SPOCK3: variants seen among roughly 807,000 people sequenced by gnomAD.
The protein encoded by SPOCK3 is testican-3.
In SPOCK3, 30 loss-of-function variants were observed where a neutral mutation model predicts 56.6. The ratio of observed to expected loss-of-function variants is 0.53; its 90% CI spans 0.40 to 0.72. SPOCK3 has a LOEUF of 0.72. SPOCK3 is among the 30% of genes least tolerant of loss of function. The pLI is 0.00. For synonymous variants in SPOCK3, 196 were observed against 183.3 expected, an observed-to-expected ratio of 1.07 and a Z score of -0.56; for missense variants, 527 against 530.0, an observed-to-expected ratio of 0.99 and a Z score of 0.06.
intron 9 of SPOCK3, among the ~76,000 whole-genome samples, chr4:166,741,251 T>C (rs1467634595): frequency 3.3e-5 from 5 of 152,330 alleles, no homozygotes; most frequent in African/African-American, 1.2e-4. Context: ...AATAGGATTA[T>C]AGCAATGCTA....
chr4:166,959,240 T>C (rs1344768841), intron 4 of SPOCK3, among the ~76,000 whole-genome samples: 1 of 152,020 alleles, frequency 6.6e-6, no homozygotes, highest in Non-Finnish European at 1.5e-5. Context: ...AGTTAGAAAA[T>C]ACAGCCTATG....
chr4:166,964,147 T>C (rs1744450746), intron 4 of SPOCK3, among the ~76,000 whole-genome samples: 1 of 151,678 alleles, frequency 6.6e-6, no homozygotes, highest in Non-Finnish European at 1.5e-5. Context: ...TGAATAAAAT[T>C]AATTAAAGGA....
Position 167,131,892 on chromosome 4 carries a change from G to C in SPOCK3, c.190-69355C>G, listed in dbSNP as rs545887875. 3.3e-5 allele frequency among the ~76,000 whole-genome samples: 5 copies of C among 152,218 alleles called. No homozygotes were observed. In the South Asian group the frequency reaches 1.0e-3, roughly 32 times the overall value. ...GAATCTCAAAACCTAAGAAAAATCT[G>C]TTCCATATTTGTATTTCTATAATAT... On this transcript the variant is annotated intron_variant, in intron 2 of 10. Coordinates refer to ENST00000357545, the MANE Select transcript of SPOCK3 (RefSeq NM_001040159.2).
At chr4:166,959,806 C>A (rs1743936515) in intron 4 of SPOCK3, among the ~76,000 whole-genome samples, 1 of 151,900 alleles carries the variant, frequency 6.6e-6, no homozygotes, top group Admixed American at 6.6e-5. Context: ...ATTTTATGTG[C>A]ACCATATATA....
chr4:166,952,411 C>A (rs1381446117), intron 4 of SPOCK3, among the ~76,000 whole-genome samples: 6 of 152,078 alleles, frequency 3.9e-5, no homozygotes, highest in Non-Finnish European at 7.4e-5. Flanking sequence ...GAACTACAAA[C>A]CACTGCTCAA....
intron 2 of SPOCK3, among the ~76,000 whole-genome samples, chr4:167,083,535 C>T (rs757519509): frequency 6.6e-5 from 10 of 152,098 alleles, no homozygotes; most frequent in Admixed American, 3.3e-4. Flanking sequence ...TTTGTTTAGA[C>T]AACTAAGTAT....
At chr4:166,804,817 C>A (rs1742981244) in intron 6 of SPOCK3, among the ~76,000 whole-genome samples, 1 of 152,096 alleles carries the variant, frequency 6.6e-6, no homozygotes, top group Admixed American at 6.6e-5. Context: ...GAAAAATACA[C>A]TGATTAGGCA....
chr4:166,857,838 T>A (rs551710092), intron 6 of SPOCK3, among the ~76,000 whole-genome samples: 95 of 152,330 alleles, frequency 6.2e-4, no homozygotes, highest in African/African-American at 2.2e-3. Flanking sequence ...CTTTTAGCCC[T>A]TTTGCCTTGC....
chr4:166,859,510 A>G (rs1483538589), intron 6 of SPOCK3, among the ~76,000 whole-genome samples: 3 of 152,156 alleles, frequency 2.0e-5, no homozygotes, highest in African/African-American at 7.2e-5. Flanking sequence ...TTCAGCTAAT[A>G]TTTGACACAC....
intron 2 of SPOCK3, among the ~76,000 whole-genome samples, chr4:167,068,842 G>A (rs1756404917): frequency 6.6e-6 from 1 of 151,894 alleles, no homozygotes; most frequent in South Asian, 2.1e-4. Context: ...AATGGACTAA[G>A]TATGTAAAGA....
At position 166,889,262 on chromosome 4, in the gene SPOCK3, A is replaced by G. The variant is rs765041276; in HGVS notation, c.475-18T>C. Reference sequence around the variant, plus strand: ...AGTTTGCACTGTATAAAAAGAGAAAAAAAAAGTAATTCAAATGCTTTAGTT... The same window carrying G: ...AGTTTGCACTGTATAAAAAGAGAAAGAAAAAGTAATTCAAATGCTTTAGTT... On this transcript the variant is annotated intron_variant, in intron 5 of 10. Transcript: ENST00000357545. 27 of 1,478,752 alleles carry G rather than the reference A, an allele frequency of 1.8e-5. No individual in the cohort carries two copies. The highest frequency in any genetic ancestry group is 2.8e-6 in the Non-Finnish European group (3 of 1,069,160). The allele number at this position is 1,478,752 out of a possible 1,614,324, so 91.6% of individuals were successfully genotyped here.
chr4:166,924,835 T>A (rs1160670398), intron 4 of SPOCK3, among the ~76,000 whole-genome samples: 2 of 152,214 alleles, frequency 1.3e-5, no homozygotes, highest in African/African-American at 2.4e-5. Flanking sequence ...ATGGGCAACT[T>A]AATCTAGTGC....
intron 6 of SPOCK3, among the ~76,000 whole-genome samples, chr4:166,853,918 G>T (rs1730395908): frequency 6.6e-6 from 1 of 151,764 alleles, no homozygotes; most frequent in Non-Finnish European, 1.5e-5. Context: ...TCCAAAGTCG[G>T]CCATAGACAG....
At chr4:167,057,107 C>T (rs1353621111) in intron 3 of SPOCK3, among the ~76,000 whole-genome samples, 4 of 152,238 alleles carry the variant, frequency 2.6e-5, no homozygotes, top group African/African-American at 4.8e-5. Flanking sequence ...ACTCTACAAG[C>T]CAGAAGAGAG....
At chr4:166,750,647 C>G (rs1194538836) in intron 8 of SPOCK3, among the ~76,000 whole-genome samples, 2 of 151,908 alleles carry the variant, frequency 1.3e-5, no homozygotes, top group Non-Finnish European at 2.9e-5. Context: ...AACCCAAACC[C>G]CTACATTGGA....
At chr4:167,217,508 T>G (rs1168849188) in intron 2 of SPOCK3, among the ~76,000 whole-genome samples, 1 of 151,994 alleles carries the variant, frequency 6.6e-6, no homozygotes, top group East Asian at 1.9e-4. Context: ...AATACTACAT[T>G]GTGTTATATA....
chr4:166,870,358 T>A (rs180891271), intron 6 of SPOCK3, among the ~76,000 whole-genome samples: 2 of 152,098 alleles, frequency 1.3e-5, no homozygotes, highest in Middle Eastern at 6.8e-3. Flanking sequence ...GTGCCACCAA[T>A]CTTGTCAGTC....
At chr4:167,125,519 C>G (rs1762199764) in intron 2 of SPOCK3, among the ~76,000 whole-genome samples, 1 of 151,458 alleles carries the variant, frequency 6.6e-6, no homozygotes, top group Non-Finnish European at 1.5e-5. Context: ...TGAGACCATC[C>G]TGGCTAACAC....
chr4:167,051,524 A>G (rs116953737), intron 3 of SPOCK3, among the ~76,000 whole-genome samples: 3,744 of 152,296 alleles, frequency 0.025, 63 homozygotes, highest in Middle Eastern at 0.044. Context: ...AATCATTAGC[A>G]GTATACAACA....
Sources: gnomAD v4.1 joint callset for allele counts (sites outside exome capture counted in the v4.1 genomes callset) on GRCh38, gnomAD v4.1.1 for gene constraint, MANE v1.5 for transcripts, NCBI Gene and HGNC (gene_info 2026-07-23, HGNC 2026-07-21) for gene names.